The following TTF1 variants were observed in gnomAD, a reference collection of about 807,000 sequenced individuals.
The protein encoded by TTF1 is transcription termination factor, RNA polymerase I.
In TTF1, 64 loss-of-function variants were observed where a neutral mutation model predicts 80.2. The ratio of observed to expected loss-of-function variants is 0.80; its 90% confidence interval spans 0.65 to 0.98. The LOEUF (loss-of-function observed/expected upper bound fraction) is 0.98. Among genes scored for constraint, TTF1 ranks in the 50% least tolerant of loss-of-function variants. The pLI is 0.00. For missense variants in TTF1, 1,023 were observed against 1,086.2 expected (o/e 0.94, Z 0.82); for synonymous variants, 372 against 382.7 (o/e 0.97, Z 0.33).
rs1849472345 is a variant in TTF1 at position 132,386,583 on chromosome 9, T to A, written c.2351A>T (p.Asp784Val). The A allele has an allele frequency of 1.2e-6, 2 of 1,612,908 alleles. No homozygotes were observed. The highest frequency in any genetic ancestry group is 1.7e-6 in the Non-Finnish European group (2 of 1,178,956). The change falls in exon 9 of 11, where the codon GAC (aspartate) becomes GTC (valine). Residue 784 changes from aspartate (D) to valine (V), a missense_variant. Asp to Val is a radical substitution (Grantham distance 152). Coordinates refer to ENST00000334270, the MANE Select transcript of TTF1 (RefSeq NM_007344.4). Reference sequence around the variant, plus strand: ...TATGGCACTAGCAAGATCTTCCCAGTCTATTTCATTAGTATCTTCCACATT... The same window carrying A: ...TATGGCACTAGCAAGATCTTCCCAGACTATTTCATTAGTATCTTCCACATT... Reference protein sequence around the residue: ...EINVEDTNEIDWEDLASAIGD... With the variant: ...EINVEDTNEIVWEDLASAIGD...
intron 9 of TTF1, among the ~76,000 whole-genome samples, chr9:132,379,824 A>G (rs1221888028): frequency 6.6e-6 from 1 of 152,264 alleles, no homozygotes; most frequent in East Asian, 1.9e-4. Flanking sequence ...TAAGTGGGTC[A>G]GAAATTATTC....
rs755598109 is a variant in TTF1 at position 132,402,440 on chromosome 9, C to T, written c.382G>A (p.Val128Ile). The T allele has an allele frequency of 6.2e-7, 1 of 1,614,228 alleles. No individual in the cohort carries two copies. The highest frequency in any genetic ancestry group is 1.7e-5 in the Admixed American group (1 of 60,024). Residue 128 changes from valine (V) to isoleucine (I), a missense_variant, in exon 2 of 11, where the codon GTT becomes ATT. By Grantham distance (29) the Val-to-Ile change is conservative. Transcript: ENST00000334270. ...HFRKDVDVVC[V>I]DMSIEQKLPR... ...AACTTCTGTTCTATGCTCATATCAA[C>T]ACAAACAACATCAACATCCTTTCTA...
intron 9 of TTF1, among the ~76,000 whole-genome samples, chr9:132,383,224 G>C (rs868546334): frequency 5.5e-5 from 8 of 146,622 alleles, no homozygotes; most frequent in African/African-American, 1.8e-4. Context: ...ACTCCAGCCT[G>C]GGCAACAGAG....
chr9:132,389,688 G>A (rs546165113), intron 7 of TTF1, among the ~76,000 whole-genome samples: 1 of 152,276 alleles, frequency 6.6e-6, no homozygotes, highest in African/African-American at 2.4e-5. Flanking sequence ...CATGTGCAAG[G>A]TAGGGGGGTC....
At chr9:132,377,208 A>G (rs1345028793) in intron 10 of TTF1, among the ~76,000 whole-genome samples, 28 of 133,772 alleles carry the variant, frequency 2.1e-4, no homozygotes, top group Non-Finnish European at 3.7e-4. Context: ...GTGTGAGTGC[A>G]TGCATGTGGT....
At chr9:132,395,212 A>G (rs966820499) in intron 5 of TTF1, among the ~76,000 whole-genome samples, 5 of 152,138 alleles carry the variant, frequency 3.3e-5, no homozygotes, top group Admixed American at 3.3e-4. Context: ...AAAAACAACA[A>G]AAAATCAACA....
chr9:132,392,189 G>A lies in TTF1; in HGVS notation c.1874C>T (p.Thr625Ile). The change falls in exon 6 of 11, where the codon ACT (threonine) becomes ATT (isoleucine). Residue 625 changes from threonine to isoleucine, a missense_variant. Physicochemically the swap from Thr to Ile is moderately conservative, Grantham distance 89. Coordinates refer to ENST00000334270, the MANE Select transcript of TTF1 (RefSeq NM_007344.4). ...AGAATGGTACATCTTTAACTTCTCA[G>A]TATCTCCTTCGCTATACCTAGGAGA... Reference protein sequence around the residue: ...NYKGRYSEGDTEKLKMYHSLL... With the variant: ...NYKGRYSEGDIEKLKMYHSLL... 1 of 1,614,150 alleles carries A rather than the reference G, an allele frequency of 6.2e-7. No homozygotes were observed. The highest frequency in any genetic ancestry group is 8.5e-7 in the Non-Finnish European group (1 of 1,180,018).
intron 10 of TTF1, among the ~76,000 whole-genome samples, chr9:132,376,596 T>C (rs763847266): frequency 5.3e-5 from 8 of 151,742 alleles, no homozygotes; most frequent in Non-Finnish European, 8.8e-5. Flanking sequence ...AAATCCAGGT[T>C]CTGGACTCGG....
At position 132,400,037 on chromosome 9, in the gene TTF1, T is replaced by A. The variant is rs765563510; in HGVS notation, c.1589A>T (p.Gln530Leu). ...DLERFKEFKA[Q>L]GVAIKFGKFS... ...ACACTAAGGCCCCACAAGCTCACCT[T>A]GTGCTTTAAATTCCTTAAACCGTTC... is the stretch of plus-strand genomic sequence containing the variant. The change falls in exon 3 of 11, where the codon CAA (glutamine) becomes CTA (leucine). Residue 530 changes from glutamine to leucine, a missense_variant and splice_region_variant. Coordinates refer to ENST00000334270, the MANE Select transcript of TTF1 (RefSeq NM_007344.4). 1.9e-6 allele frequency: 3 copies of A among 1,614,194 alleles called. No homozygotes were observed. The highest frequency in any genetic ancestry group is 2.5e-6 in the Non-Finnish European group (3 of 1,180,024).
chr9:132,388,058 C>T (rs1027871547), intron 8 of TTF1, 81 bp downstream of exon 8: 24 of 1,116,184 alleles, frequency 2.2e-5, no homozygotes, highest in Non-Finnish European at 2.2e-5. Context: ...GGCAATCTCA[C>T]TGCAGACTCT....
chr9:132,376,078 G>T lies in TTF1; in HGVS notation c.2555C>A (p.Thr852Asn). 1 of 1,614,192 alleles carries T rather than the reference G, an allele frequency of 6.2e-7. No individual in the cohort carries two copies. The highest frequency in any genetic ancestry group is 1.1e-5 in the South Asian group (1 of 91,080). The change falls in exon 11 of 11, where the codon ACT (threonine) becomes AAT (asparagine). Residue 852 changes from threonine (T) to asparagine (N), a missense_variant. By Grantham distance (65) the Thr-to-Asn change is moderately conservative. Coordinates refer to ENST00000334270, the MANE Select transcript of TTF1 (RefSeq NM_007344.4). ...MMEKKGTKIQTPAAPKQVFPF... is the reference protein window; with the variant it reads ...MMEKKGTKIQNPAAPKQVFPF... ...GAAAACTTGCTTGGGTGCTGCAGGA[G>T]TCTGGATTTTAGTGCCTTTTTTCTC...
In TTF1 at chr9:132,401,527, C is replaced by G; in HGVS notation, c.1295G>C (p.Gly432Ala). The G allele has an allele frequency of 6.2e-7, 1 of 1,614,164 alleles. No homozygotes were observed. The highest frequency in any genetic ancestry group is 8.5e-7 in the Non-Finnish European group (1 of 1,180,042). ...CTTTTGTCGGGGCCTAGATTTCACA[C>G]CTTCTTCCATCATGGCGCCATCACC... is the stretch of plus-strand genomic sequence containing the variant. ...VEGDGAMMEE[G>A]VKSRPRQKKT... Residue 432 changes from glycine to alanine, a missense_variant, in exon 2 of 11, where the codon GGT becomes GCT. Coordinates refer to ENST00000334270, the MANE Select transcript of TTF1 (RefSeq NM_007344.4).
In TTF1 at chr9:132,384,272, G is replaced by A. The variant is rs148503963; in HGVS notation, c.2378+2284C>T. ...AGCAGTACTTAGAAGAAAACATATG[G>A]CCTTAAATGTATATTACAAAGAAAG... On this transcript the variant is annotated intron_variant, in intron 9 of 10. Transcript: ENST00000334270. This position sits in a 1 kb window ranked among gnomAD's most constrained non-coding sequence, Gnocchi z 4.1. Among the ~76,000 whole-genome samples, 6 of 152,168 alleles carry A rather than the reference G, an allele frequency of 3.9e-5. No homozygotes were observed. The East Asian group carries it at 1.2e-3, about 29-fold the overall frequency.
Position 132,403,102 on chromosome 9 carries a change from G to A in TTF1, c.-7-274C>T, listed in dbSNP as rs61358118. ...TCTCGATCTCCTGACCTCATGATCC[G>A]CCCACTCCAGCCTCCCAAAGTGCTG... On this transcript the variant is annotated intron_variant, in intron 1 of 10. Transcript: ENST00000334270. 3.8e-3 allele frequency among the ~76,000 whole-genome samples: 585 copies of A among 152,158 alleles called. 5 individuals carry two copies. Among genetic ancestry groups the A allele is most frequent in the African/African-American group, 0.014 (567 of 41,516 alleles).
chr9:132,377,581 GTGTGTGAGTGCATGTGGT>G (rs1849232706), intron 10 of TTF1, among the ~76,000 whole-genome samples: 1 of 26,404 alleles, frequency 3.8e-5, no homozygotes, highest in Non-Finnish European at 9.6e-5. Context: ...TGCATGTGGT[GTGTGTGAGTGCATGTGGT>G]GTGTGTGTGA....
intron 1 of TTF1, among the ~76,000 whole-genome samples, chr9:132,403,217 T>C (rs1849801158): frequency 6.6e-6 from 1 of 152,212 alleles, no homozygotes; most frequent in Non-Finnish European, 1.5e-5. Flanking sequence ...TGAAATTGTA[T>C]GACAAATGAC....
chr9:132,391,848 G>A (rs1396481590), intron 6 of TTF1, among the ~76,000 whole-genome samples: 8 of 152,164 alleles, frequency 5.3e-5, no homozygotes, highest in East Asian at 3.8e-4. Context: ...ATATTTGCAC[G>A]GACAGTTACT....
intron 5 of TTF1, among the ~76,000 whole-genome samples, chr9:132,396,058 C>T (rs1016944289): frequency 1.1e-4 from 16 of 152,256 alleles, no homozygotes; most frequent in African/African-American, 3.4e-4. Flanking sequence ...TACTAAAAAC[C>T]CACAGCACTC....
chr9:132,385,562 T>C (rs1043793111), intron 9 of TTF1, among the ~76,000 whole-genome samples: 2 of 152,162 alleles, frequency 1.3e-5, no homozygotes, highest in African/African-American at 4.8e-5. Context: ...TGGCTCAAGG[T>C]GTCCGCATTC....
Sources: gnomAD v4.1 joint callset for allele counts (sites outside exome capture counted in the v4.1 genomes callset) on GRCh38, gnomAD v4.1.1 for gene constraint, Gnocchi (gnomAD v3.1) non-coding constraint, MANE v1.5 for transcripts, NCBI Gene and HGNC (gene_info 2026-07-23, HGNC 2026-07-21) for gene names.